ABLIM1: variants seen among roughly 807,000 people sequenced by gnomAD.
ABLIM1 encodes the protein actin-binding LIM protein 1.
ABLIM1 carries 40 observed loss-of-function variants against 107.0 expected under a neutral mutation model. That is an observed-to-expected ratio of 0.37 (90% CI 0.29 to 0.49). The LOEUF is 0.49. ABLIM1 is among the 20% of genes least tolerant of loss of function. The pLI, the probability that ABLIM1 is intolerant of heterozygous loss-of-function variation, is 0.97. For synonymous variants in ABLIM1, 357 were observed against 357.3 expected, an observed-to-expected ratio of 1.00 and a Z score of 0.01; for missense variants, 857 against 1,008.5, an observed-to-expected ratio of 0.85 and a Z score of 2.04.
At chr10:114,645,848 T>C (rs913539461) in intron 1 of ABLIM1, among the ~76,000 whole-genome samples, 8 of 151,840 alleles carry the variant, frequency 5.3e-5, no homozygotes, top group Non-Finnish European at 7.3e-5. Flanking sequence ...GTGTTTATGT[T>C]TTAGGCAGAA....
chr10:114,617,168 G>C (rs2077173098), intron 1 of ABLIM1, among the ~76,000 whole-genome samples: 2 of 152,140 alleles, frequency 1.3e-5, no homozygotes, highest in Admixed American at 1.3e-4. Context: ...CTATAGTGAA[G>C]GGCGTTCAGC....
At chr10:114,525,889 T>C (rs759288604) in intron 6 of ABLIM1, among the ~76,000 whole-genome samples, 4 of 152,226 alleles carry the variant, frequency 2.6e-5, no homozygotes, top group Non-Finnish European at 4.4e-5. Context: ...GAAATAACTT[T>C]CTGGTCCCAT....
intron 6 of ABLIM1, among the ~76,000 whole-genome samples, chr10:114,525,508 G>T (rs1436743400): frequency 6.6e-6 from 1 of 152,208 alleles, no homozygotes; most frequent in African/African-American, 2.4e-5. Context: ...AAGGCCTCAC[G>T]CTTAGTCTTA....
At position 114,654,224 on chromosome 10, in the gene ABLIM1, T is replaced by C. The variant is rs952913561; in HGVS notation, c.244+3733A>G. ...AATCCCACGTCCTGTGCAGCATCTA[T>C]AGTTCTGGGCCTCTATTGTTTCACA... On this transcript the variant is annotated intron_variant, in intron 1 of 22. Coordinates refer to ENST00000533213, the MANE Select transcript of ABLIM1 (RefSeq NM_002313.7). Among the ~76,000 whole-genome samples, 3 of 152,230 alleles carry C rather than the reference T, an allele frequency of 2.0e-5. No individual in the cohort carries two copies. The East Asian group carries it at 5.8e-4, about 29-fold the overall frequency.
At chr10:114,590,501 A>G (rs986147577) in intron 2 of ABLIM1, among the ~76,000 whole-genome samples, 1 of 152,202 alleles carries the variant, frequency 6.6e-6, no homozygotes, top group Admixed American at 6.6e-5. Flanking sequence ...TAAACTGTAT[A>G]CATAGTATTT....
chr10:114,602,877 T>C (rs1208336869), intron 1 of ABLIM1, among the ~76,000 whole-genome samples: 1 of 152,174 alleles, frequency 6.6e-6, no homozygotes, highest in Non-Finnish European at 1.5e-5. Context: ...GCCTGCCCTT[T>C]ACAAAGGCCC....
rs547899532 is a variant in ABLIM1, at chr10:114,503,322, A to G, written c.895-11444T>C. Among the ~76,000 whole-genome samples the G allele has an allele frequency of 7.2e-5, 11 of 152,216 alleles. No individual in the cohort carries two copies. In the East Asian group the frequency reaches 1.9e-3, roughly 27 times the overall value. On this transcript the variant is annotated intron_variant, in intron 6 of 22. Coordinates refer to ENST00000533213, the MANE Select transcript of ABLIM1 (RefSeq NM_002313.7). ...AAAAATTAGCCAGGCATAATGGTAC[A>G]TGCCTGTAGTCCCAGCTAATTGGTA... is the stretch of plus-strand genomic sequence containing the variant.
chr10:114,589,350 T>G (rs564733929), intron 2 of ABLIM1, among the ~76,000 whole-genome samples: 55 of 151,208 alleles, frequency 3.6e-4, no homozygotes, highest in Admixed American at 1.6e-3. Flanking sequence ...GCCAGCATGG[T>G]GAAACCCGTC....
intron 21 of ABLIM1, among the ~76,000 whole-genome samples, chr10:114,438,462 T>C (rs1258490910): frequency 1.3e-5 from 2 of 152,174 alleles, no homozygotes; most frequent in African/African-American, 4.8e-5. Context: ...GATTTTGCCA[T>C]GTTGCTCAGG....
chr10:114,624,027 C>T (rs1211261036), intron 1 of ABLIM1, among the ~76,000 whole-genome samples: 1 of 152,102 alleles, frequency 6.6e-6, no homozygotes, highest in African/African-American at 2.4e-5. Context: ...ACAAAATTTG[C>T]CCTTGAATAC....
intron 7 of ABLIM1, among the ~76,000 whole-genome samples, chr10:114,491,028 T>C (rs12776535): frequency 2.6e-5 from 2 of 76,828 alleles, no homozygotes; most frequent in South Asian, 8.6e-4. Flanking sequence ...ATATATATGG[T>C]CTATTTTATA....
At chr10:114,496,498 G>T (rs918902923) in intron 6 of ABLIM1, among the ~76,000 whole-genome samples, 7 of 152,046 alleles carry the variant, frequency 4.6e-5, no homozygotes, top group Admixed American at 3.3e-4. Flanking sequence ...GGAGCCTGTT[G>T]GGGGAGGGTG....
intron 4 of ABLIM1, among the ~76,000 whole-genome samples, chr10:114,550,271 C>G (rs2137769681): frequency 6.6e-6 from 1 of 152,038 alleles, no homozygotes; most frequent in Middle Eastern, 3.4e-3. Context: ...AAAGGAATCT[C>G]ACATCTGGTA....
chr10:114,573,814 A>C (rs2072061796), intron 3 of ABLIM1, among the ~76,000 whole-genome samples: 1 of 152,198 alleles, frequency 6.6e-6, no homozygotes. Context: ...CATAGGTCTC[A>C]ATTCAACCTG....
At chr10:114,696,706 C>A (rs1225783598) in intron 1 of ABLIM1, among the ~76,000 whole-genome samples, 1 of 152,202 alleles carries the variant, frequency 6.6e-6, no homozygotes, top group Non-Finnish European at 1.5e-5. Context: ...CACCTTCTGC[C>A]ATGATTGTGA....
intron 1 of ABLIM1, among the ~76,000 whole-genome samples, chr10:114,650,367 G>A (rs761596798): frequency 1.3e-5 from 2 of 152,054 alleles, no homozygotes; most frequent in Non-Finnish European, 2.9e-5. Context: ...TTTAAAGCCT[G>A]GATTAAAACA....
At chr10:114,638,236 T>C (rs1229420094) in intron 1 of ABLIM1, among the ~76,000 whole-genome samples, 4 of 152,236 alleles carry the variant, frequency 2.6e-5, no homozygotes, top group Non-Finnish European at 5.9e-5. Flanking sequence ...TCAAATAAAT[T>C]AAGAGTAAAT....
At chr10:114,523,013 A>G (rs1352354468) in intron 6 of ABLIM1, among the ~76,000 whole-genome samples, 1 of 152,110 alleles carries the variant, frequency 6.6e-6, no homozygotes, top group Non-Finnish European at 1.5e-5. Flanking sequence ...TTAGCCGGGC[A>G]TGGTGGCACA....
chr10:114,756,374 T>G (rs1178521012), intron 1 of ABLIM1, among the ~76,000 whole-genome samples: 1 of 152,196 alleles, frequency 6.6e-6, no homozygotes, highest in African/African-American at 2.4e-5. Context: ...ACACTTTATT[T>G]GTTTTTGGAT....
Sources: allele counts gnomAD v4.1 joint callset (sites outside exome capture counted in the v4.1 genomes callset), GRCh38; gene constraint gnomAD v4.1.1; transcripts MANE v1.5; gene names NCBI Gene and HGNC (gene_info 2026-07-23, HGNC 2026-07-21).